Variants in HTR2C observed in about 807,000 individuals in gnomAD.
HTR2C encodes 5-hydroxytryptamine (serotonin) receptor 2C, G protein-coupled.
HTR2C carries 5 observed loss-of-function variants against 21.0 expected under a neutral mutation model. The observed-to-expected ratio is 0.24, with a 90% CI of 0.12 to 0.50. The LOEUF is 0.50. HTR2C is among the 20% of genes least tolerant of loss of function. The probability of loss-of-function intolerance (pLI) is 0.98; values close to 1 mark genes in which losing one functional copy is unlikely to be tolerated. For missense variants in HTR2C, 271 were observed against 371.2 expected, an observed-to-expected ratio of 0.73 and a Z score of 2.22; for synonymous variants, 150 against 145.3, an observed-to-expected ratio of 1.03 and a Z score of -0.23.
chrX:114,867,040 T>C (rs2147506406), intron 5 of HTR2C, among the ~76,000 whole-genome samples: 1 of 111,892 alleles, frequency 8.9e-6, no homozygotes, highest in South Asian at 3.8e-4. Flanking sequence ...TGCTGGATCA[T>C]TTGGTAACTC....
intron 4 of HTR2C, chrX:114,763,325 G>A (rs915545250): frequency 9.7e-5 from 12 of 123,478 alleles, no homozygotes; most frequent in African/African-American, 2.9e-4. Flanking sequence ...GCTGTCACCC[G>A]GGGCTGCCAA....
intron 4 of HTR2C, among the ~76,000 whole-genome samples, chrX:114,819,412 G>A (rs1556455562): frequency 8.9e-6 from 1 of 112,010 alleles, no homozygotes; most frequent in Non-Finnish European, 1.9e-5. Flanking sequence ...AGGTGTGGGG[G>A]TAGGTGCTTT....
At chrX:114,866,187 G>T (rs1383649305) in intron 5 of HTR2C, among the ~76,000 whole-genome samples, 1 of 111,222 alleles carries the variant, frequency 9.0e-6, no homozygotes, top group African/African-American at 3.3e-5. Flanking sequence ...CTCTATGGAA[G>T]AAGAAAGTTT....
intron 5 of HTR2C, among the ~76,000 whole-genome samples, chrX:114,903,268 T>C (rs1236733364): frequency 8.9e-6 from 1 of 112,506 alleles, no homozygotes; most frequent in East Asian, 2.8e-4. Context: ...GTTTTGTTGA[T>C]TGCATTCATG....
intron 5 of HTR2C, among the ~76,000 whole-genome samples, chrX:114,896,633 CTT>C (rs2071298815): frequency 8.9e-6 from 1 of 112,266 alleles, no homozygotes; most frequent in South Asian, 3.6e-4. Flanking sequence ...TTGAAATACA[CTT>C]TGTCTGACAA....
chrX:114,869,328 A>G (rs2071073554), intron 5 of HTR2C, among the ~76,000 whole-genome samples: 1 of 112,034 alleles, frequency 8.9e-6, no homozygotes, highest in African/African-American at 3.2e-5. Context: ...TTATAGTAGC[A>G]TGATTTATAA....
At chrX:114,618,201 A>T (rs895808827) in intron 2 of HTR2C, among the ~76,000 whole-genome samples, 1 of 112,170 alleles carries the variant, frequency 8.9e-6, no homozygotes, top group African/African-American at 3.2e-5. Context: ...TTCACTCAAT[A>T]GTCTGTGCCA....
At chrX:114,636,964 C>A (rs781929088) in intron 2 of HTR2C, among the ~76,000 whole-genome samples, 1 of 112,027 alleles carries the variant, frequency 8.9e-6, no homozygotes, top group South Asian at 3.7e-4. Context: ...TTTCCTCTCA[C>A]TTTTGGTGTG....
intron 1 of HTR2C, among the ~76,000 whole-genome samples, chrX:114,601,874 A>G (rs1402825848): frequency 1.0e-5 from 1 of 95,241 alleles, no homozygotes; most frequent in Non-Finnish European, 2.1e-5. Context: ...GTGGGAACCT[A>G]GAGTGGGAGG....
rs782817973 is a variant in HTR2C at position 114,842,927 on chromosome X, A to G, written c.350-5076A>G. On this transcript the variant is annotated intron_variant, in intron 4 of 5. Coordinates refer to ENST00000276198, the MANE Select transcript of HTR2C (RefSeq NM_000868.4). The stretch of plus-strand genomic sequence containing the variant: ...AAAAGAAAACAGACTTTATAAAAAT[A>G]GTTTTGAAAAATCACTAAACAGTCA... Among the ~76,000 whole-genome samples the G allele has an allele frequency of 5.0e-4, 56 of 112,173 alleles. 1 individual carries two copies. Among genetic ancestry groups the G allele is most frequent in the African/African-American group, 1.7e-3 (53 of 30,918 alleles).
chrX:114,786,483 T>C (rs782640985), intron 4 of HTR2C, among the ~76,000 whole-genome samples: 2 of 111,867 alleles, frequency 1.8e-5, no homozygotes, highest in East Asian at 5.6e-4. Flanking sequence ...CAATCAAGTA[T>C]TGTGCAGGTG....
rs985911792 is a variant in HTR2C, at chrX:114,762,035, T to C, written c.349+30428T>C. On this transcript the variant is annotated intron_variant, in intron 4 of 5. Transcript: ENST00000276198. ...AGTATATATACTATTTGTACACATA[T>C]ATGTGTATATATACATGGTTTTCTA... Among the ~76,000 whole-genome samples, 143 of 94,481 alleles carry C rather than the reference T, an allele frequency of 1.5e-3. 6 individuals are homozygous for C. The highest frequency in any genetic ancestry group is 5.0e-3 in the African/African-American group (134 of 26,881). 82.0% of individuals were successfully genotyped at this position (94,481 alleles called of 115,157 possible).
At chrX:114,806,363 T>C (rs1436273125) in intron 4 of HTR2C, among the ~76,000 whole-genome samples, 4 of 79,918 alleles carry the variant, frequency 5.0e-5, no homozygotes, top group African/African-American at 1.4e-4. Flanking sequence ...ACCATATATA[T>C]ACCGTATATA....
chrX:114,898,857 G>A (rs2071316267), intron 5 of HTR2C, among the ~76,000 whole-genome samples: 1 of 111,695 alleles, frequency 9.0e-6, no homozygotes, highest in Non-Finnish European at 1.9e-5. Flanking sequence ...TTTTTGCTTA[G>A]GATTGCCTTG....
chrX:114,661,325 C>G (rs965579903), intron 2 of HTR2C, among the ~76,000 whole-genome samples: 7 of 110,126 alleles, frequency 6.4e-5, no homozygotes, highest in South Asian at 3.9e-4. Context: ...GCCTCTAGTC[C>G]CAGCTACTCG....
intron 1 of HTR2C, among the ~76,000 whole-genome samples, chrX:114,588,606 G>T (rs1556390307): frequency 2.0e-5 from 2 of 100,474 alleles, no homozygotes; most frequent in Middle Eastern, 5.2e-3. Context: ...AATTGGCTAG[G>T]ATTTCCTTTA....
At position 114,608,777 on chromosome X, in the gene HTR2C, T is replaced by C. The variant is rs2160049; in HGVS notation, c.-146-5038T>C. ...TAACAATAAATTGATTCAGAAAAAC[T>C]AAGTTTCAAACTCAGGAAGGTTAAA... On this transcript the variant is annotated intron_variant, in intron 1 of 5. Transcript: ENST00000276198. Among the ~76,000 whole-genome samples, 570 of 112,004 alleles carry C rather than the reference T, an allele frequency of 5.1e-3. 3 individuals carry two copies. The highest frequency in any genetic ancestry group is 7.2e-3 in the Non-Finnish European group (383 of 53,186).
intron 4 of HTR2C, among the ~76,000 whole-genome samples, chrX:114,814,888 ATAT>A (rs1477255230): frequency 2.0e-5 from 2 of 101,692 alleles, no homozygotes; most frequent in Non-Finnish European, 3.9e-5. Context: ...TATAGAATAT[ATAT>A]TATAATATTA....
At chrX:114,772,983 C>G (rs1569493003) in intron 4 of HTR2C, among the ~76,000 whole-genome samples, 1 of 111,756 alleles carries the variant, frequency 8.9e-6, no homozygotes, top group Non-Finnish European at 1.9e-5. Context: ...AGCCACATGG[C>G]TTCTTTGAGC....
Sources: gnomAD v4.1 joint callset for allele counts (sites outside exome capture counted in the v4.1 genomes callset) on GRCh38, gnomAD v4.1.1 for gene constraint, MANE v1.5 for transcripts, NCBI Gene and HGNC (gene_info 2026-07-23, HGNC 2026-07-21) for gene names.